ADARB1: variants seen among roughly 807,000 people sequenced by gnomAD.
The protein encoded by ADARB1 is adenosine deaminase RNA specific B1.
A neutral mutation model predicts 52.4 loss-of-function variants in ADARB1; 10 were observed. The observed-to-expected ratio is 0.19, with a 90% CI of 0.12 to 0.32. The LOEUF (loss-of-function observed/expected upper bound fraction) is 0.32. ADARB1 is among the 10% of genes least tolerant of loss of function. The pLI is 1.00. For synonymous variants in ADARB1, 349 were observed against 371.1 expected (o/e 0.94, Z 0.68); for missense variants, 643 against 922.3 (o/e 0.70, Z 3.92).
chr21:45,100,920 C>G (rs934402407), intron 1 of ADARB1: 2 of 152,496 alleles, frequency 1.3e-5, no homozygotes, highest in African/African-American at 2.4e-5. Context: ...GGCCTGCTCA[C>G]TGACGAGTTG....
chr21:45,184,886 T>A (rs1569136257), intron 7 of ADARB1, 37 bp from the exon 8 acceptor site: 1 of 1,565,914 alleles, frequency 6.4e-7, no homozygotes, highest in Non-Finnish European at 8.7e-7. Flanking sequence ...ATAGATGGTT[T>A]ACTACCTGTG....
rs139442817 is a variant in ADARB1 at position 45,148,024 on chromosome 21, GA to G, written c.-48+19452del. Among the ~76,000 whole-genome samples, 739 of 152,138 alleles carry G rather than the reference GA, an allele frequency of 4.9e-3. 3 individuals carry two copies. The highest frequency in any genetic ancestry group is 0.017 in the African/African-American group (705 of 41,498). Reference sequence around the variant, plus strand: ...CAGCCCTCTCGAACTCACCCCACCAGAGGCCTGTCGGCATCACTGTCAGAAA... The same window carrying G: ...CAGCCCTCTCGAACTCACCCCACCAGGGCCTGTCGGCATCACTGTCAGAAA... On this transcript the variant is annotated intron_variant, in intron 2 of 10. Coordinates refer to ENST00000348831, the MANE Select transcript of ADARB1 (RefSeq NM_001112.4).
intron 7 of ADARB1, chr21:45,184,448 AT>A (rs35076710): frequency 0.77 from 109,050 of 141,958 alleles, 42,119 homozygotes; most frequent in East Asian, 0.9. Flanking sequence ...ATTTCATATA[AT>A]TTTTTTTTTT....
intron 1 of ADARB1, among the ~76,000 whole-genome samples, chr21:45,092,442 AT>A (rs1052862010): frequency 2.0e-5 from 3 of 151,996 alleles, no homozygotes; most frequent in Non-Finnish European, 4.4e-5. Context: ...TCTGTTATCT[AT>A]TTTTTTTATA....
At chr21:45,087,806 G>T (rs573560693) in intron 1 of ADARB1, among the ~76,000 whole-genome samples, 2 of 152,320 alleles carry the variant, frequency 1.3e-5, no homozygotes, top group African/African-American at 2.4e-5. Context: ...CACAGCAAAG[G>T]GGGTGGAAAG....
intron 1 of ADARB1, among the ~76,000 whole-genome samples, chr21:45,089,555 ATAC>A (rs1320113202): frequency 6.6e-6 from 1 of 151,984 alleles, no homozygotes; most frequent in Non-Finnish European, 1.5e-5. Flanking sequence ...CCCTACTACA[ATAC>A]TCATATTTTT....
chr21:45,081,591 C>T (rs2086152386), intron 1 of ADARB1, among the ~76,000 whole-genome samples: 1 of 152,124 alleles, frequency 6.6e-6, no homozygotes, highest in South Asian at 2.1e-4. Context: ...GCGATGGGTT[C>T]ATAGGATCGG....
intron 1 of ADARB1, among the ~76,000 whole-genome samples, chr21:45,087,788 G>A (rs144841938): frequency 1.4e-3 from 216 of 152,316 alleles, no homozygotes; most frequent in African/African-American, 4.8e-3. Context: ...AGTACAAAGC[G>A]GCAGGGCCAC....
intron 8 of ADARB1, among the ~76,000 whole-genome samples, chr21:45,199,575 A>C (rs1431077723): frequency 6.6e-6 from 1 of 152,178 alleles, no homozygotes; most frequent in Non-Finnish European, 1.5e-5. Context: ...ACACTATCCA[A>C]AGCACATGCT....
At chr21:45,155,739 CCAT>C (rs1350463008) in intron 2 of ADARB1, among the ~76,000 whole-genome samples, 1 of 120,990 alleles carries the variant, frequency 8.3e-6, no homozygotes, top group Non-Finnish European at 1.8e-5. Flanking sequence ...ACCCACCCAC[CCAT>C]CATCACCTAT....
At chr21:45,197,719 AGTGGAGTACTACTGG>A (rs2092458037) in intron 8 of ADARB1, among the ~76,000 whole-genome samples, 1 of 152,234 alleles carries the variant, frequency 6.6e-6, no homozygotes, top group Admixed American at 6.5e-5. Flanking sequence ...ATATCCATGC[AGTGGAGTACTACTGG>A]GTGAAAAAAA....
At chr21:45,134,943 C>G (rs929430312) in intron 2 of ADARB1, 3 of 411,818 alleles carry the variant, frequency 7.3e-6, no homozygotes, top group East Asian at 7.1e-5. Flanking sequence ...TCTGCAGATG[C>G]CCAGGTGGGT....
In ADARB1 at chr21:45,226,214, T is replaced by C. The variant is rs1014471170; in HGVS notation, c.*4017T>C. The C allele has an allele frequency of 6.6e-6, 1 of 152,448 alleles. No homozygotes were observed. The highest frequency in any genetic ancestry group is 2.4e-5 in the African/African-American group (1 of 41,442). 9.4% of individuals were successfully genotyped at this position (152,448 alleles called of 1,614,324 possible). The stretch of plus-strand genomic sequence containing the variant: ...TTGGCCACAGCATAAGCTGATGGTA[T>C]GTAAGGAACCGATGGGCCATTAAAC... On this transcript the variant is annotated 3_prime_UTR_variant, in exon 11 of 11. Coordinates refer to ENST00000348831, the MANE Select transcript of ADARB1 (RefSeq NM_001112.4).
intron 8 of ADARB1, among the ~76,000 whole-genome samples, chr21:45,192,819 A>G (rs540366328): frequency 1.3e-5 from 2 of 152,378 alleles, no homozygotes; most frequent in South Asian, 2.1e-4. Flanking sequence ...GGCTATGCCA[A>G]TTGACAATTT....
At chr21:45,147,629 G>A (rs1028899963) in intron 2 of ADARB1, among the ~76,000 whole-genome samples, 5 of 151,860 alleles carry the variant, frequency 3.3e-5, no homozygotes, top group South Asian at 2.1e-4. Context: ...CCAGGCCCCC[G>A]GGGGTGCACA....
chr21:45,147,988 G>A (rs531467628), intron 2 of ADARB1, among the ~76,000 whole-genome samples: 175 of 152,070 alleles, frequency 1.2e-3, no homozygotes, highest in African/African-American at 4.0e-3. Flanking sequence ...GATGTGCAGG[G>A]CCTTGCGGTA....
At chr21:45,088,415 A>G (rs945321478) in intron 1 of ADARB1, among the ~76,000 whole-genome samples, 3 of 152,232 alleles carry the variant, frequency 2.0e-5, no homozygotes, top group African/African-American at 4.8e-5. Context: ...GAGCAAGGAA[A>G]TGAGTAATGA....
At chr21:45,218,627 A>G (rs1298187851) in intron 9 of ADARB1, among the ~76,000 whole-genome samples, 2 of 152,172 alleles carry the variant, frequency 1.3e-5, no homozygotes, top group Non-Finnish European at 1.5e-5. Context: ...TTGACTCTCA[A>G]TTCAGGGGAT....
chr21:45,130,477 C>T (rs1556316), intron 2 of ADARB1, among the ~76,000 whole-genome samples: 13,405 of 152,238 alleles, frequency 0.088, 712 homozygotes, highest in East Asian at 0.15. Context: ...TTACTAAATG[C>T]TAGCTGCGAA....
Sources: allele counts gnomAD v4.1 joint callset (sites outside exome capture counted in the v4.1 genomes callset), GRCh38; gene constraint gnomAD v4.1.1; transcripts MANE v1.5; gene names NCBI Gene and HGNC (gene_info 2026-07-23, HGNC 2026-07-21).